Variants in RNGTT observed in about 807,000 individuals in gnomAD.
RNGTT encodes the protein mRNA-capping enzyme.
In RNGTT, 33 loss-of-function variants were observed where a neutral mutation model predicts 79.3. That is an observed-to-expected ratio of 0.42 (90% CI 0.32 to 0.56). The LOEUF is 0.56. Ranked by LOEUF, RNGTT falls within the 20% of genes least tolerant of loss-of-function variation. The pLI is 0.17. For synonymous variants in RNGTT, 222 were observed against 235.9 expected (o/e 0.94, Z 0.54); for missense variants, 497 against 739.1 (o/e 0.67, Z 3.80).
At chr6:88,637,864 C>G (rs1043983802) in intron 14 of RNGTT, among the ~76,000 whole-genome samples, 20 of 152,098 alleles carry the variant, frequency 1.3e-4, no homozygotes, top group African/African-American at 3.6e-4. Context: ...TTTATCCACA[C>G]AACTCCATAC....
At chr6:88,867,744 T>C (rs1782221797) in intron 8 of RNGTT, among the ~76,000 whole-genome samples, 1 of 152,176 alleles carries the variant, frequency 6.6e-6, no homozygotes, top group African/African-American at 2.4e-5. Context: ...TTAATTCTAA[T>C]CAGTCTTCTA....
Position 88,963,436 on chromosome 6 carries a change from C to G in RNGTT, c.-27G>C, listed in dbSNP as rs942015052. 7 of 1,536,924 alleles carry G rather than the reference C, an allele frequency of 4.6e-6. No homozygotes were observed. Among genetic ancestry groups the G allele is most frequent in the Non-Finnish European group, 6.2e-6 (7 of 1,137,710 alleles). On this transcript the variant is annotated 5_prime_UTR_variant, in exon 1 of 16. Transcript: ENST00000369485. ...TCTTGGGGCTGCGCAGAGCTGCCCT[C>G]CCTCACCAACGTTCACCGCGCCTTT...
chr6:88,633,470 T>C (rs967193791), intron 14 of RNGTT, among the ~76,000 whole-genome samples: 9 of 152,156 alleles, frequency 5.9e-5, no homozygotes, highest in African/African-American at 2.2e-4. Context: ...CCCTTTCTGA[T>C]TCCACAGGTT....
At chr6:88,639,853 C>G (rs1773242392) in intron 14 of RNGTT, among the ~76,000 whole-genome samples, 1 of 152,110 alleles carries the variant, frequency 6.6e-6, no homozygotes, top group African/African-American at 2.4e-5. Flanking sequence ...TTTGTTTTCT[C>G]TTTTTATCTC....
intron 13 of RNGTT, among the ~76,000 whole-genome samples, chr6:88,763,934 A>T (rs565994704): frequency 1.2e-4 from 19 of 152,338 alleles, no homozygotes; most frequent in African/African-American, 4.6e-4. Flanking sequence ...TTGAAATCAG[A>T]ACAAAAGATG....
Position 88,611,604 on chromosome 6 carries a change from T to A in RNGTT, c.*1115A>T, listed in dbSNP as rs938512922. The A allele has an allele frequency of 6.6e-6, 1 of 152,388 alleles. No homozygotes were observed. Among genetic ancestry groups the A allele is most frequent in the Non-Finnish European group, 1.5e-5 (1 of 68,044 alleles). 9.4% of individuals were successfully genotyped at this position (152,388 alleles called of 1,614,324 possible). On this transcript the variant is annotated 3_prime_UTR_variant, in exon 16 of 16. Coordinates refer to ENST00000369485, the MANE Select transcript of RNGTT (RefSeq NM_003800.5). ...TATAACAGAAATAACATCCGCAGAATAGAATGTAGATAGAATTCTCGCTTT... is the reference window on the plus strand; with the variant it reads ...TATAACAGAAATAACATCCGCAGAAAAGAATGTAGATAGAATTCTCGCTTT...
chr6:88,887,344 T>C (rs1782899470), intron 8 of RNGTT, among the ~76,000 whole-genome samples: 1 of 152,212 alleles, frequency 6.6e-6, no homozygotes, highest in Non-Finnish European at 1.5e-5. Flanking sequence ...TCTTATTTCA[T>C]AGCCTCTAAG....
chr6:88,681,167 T>C (rs1249574390), intron 13 of RNGTT, among the ~76,000 whole-genome samples: 6 of 152,148 alleles, frequency 3.9e-5, no homozygotes, highest in Non-Finnish European at 7.4e-5. Flanking sequence ...TTCATACAAA[T>C]AGATGCTAGA....
chr6:88,794,766 T>C (rs972156797), intron 12 of RNGTT, among the ~76,000 whole-genome samples: 1 of 152,254 alleles, frequency 6.6e-6, no homozygotes, highest in African/African-American at 2.4e-5. Context: ...CAATCAGTTT[T>C]AGTTCTGAAG....
At position 88,856,140 on chromosome 6, in the gene RNGTT, A is replaced by C. The variant is rs1386214029; in HGVS notation, c.897-2376T>G. Among the ~76,000 whole-genome samples the C allele has an allele frequency of 3.9e-5, 6 of 152,216 alleles. No individual in the cohort carries two copies. The East Asian group carries it at 9.6e-4, about 24-fold the overall frequency. ...AAGTTATGATAAAATATATAAATAAATCTGTTCATCTTATTTAGTCCATTG... is the reference window on the plus strand; with the variant it reads ...AAGTTATGATAAAATATATAAATAACTCTGTTCATCTTATTTAGTCCATTG... On this transcript the variant is annotated intron_variant, in intron 8 of 15. Transcript: ENST00000369485.
rs768557539 is a variant in RNGTT, at chr6:88,611,531, C to T, written c.*1188G>A. The T allele has an allele frequency of 2.5e-5, 3 of 118,766 alleles. No individual in the cohort carries two copies. The highest frequency in any genetic ancestry group is 2.4e-4 in the East Asian group (1 of 4,182). 7.4% of individuals were successfully genotyped at this position (118,766 alleles called of 1,614,324 possible). On this transcript the variant is annotated 3_prime_UTR_variant, in exon 16 of 16. Transcript: ENST00000369485. ...CAACAATGGCAGACAATCAATTAGC[C>T]GCCCTTTAAATCCATTATCTATCAG...
At position 88,890,297 on chromosome 6, in the gene RNGTT, A is replaced by C. The variant is rs111444474; in HGVS notation, c.896+198T>G. Among the ~76,000 whole-genome samples the C allele has an allele frequency of 2.0e-5, 3 of 152,232 alleles. No homozygotes were observed. The East Asian group carries it at 5.8e-4, about 29-fold the overall frequency. On this transcript the variant is annotated intron_variant, in intron 8 of 15. Transcript: ENST00000369485. ...AACTAGCTAAGCTCTGAAACCAAAA[A>C]TTTAGCAGAATGAGAGATAACTTGT...
chr6:88,743,199 G>A (rs1241828458), intron 13 of RNGTT, among the ~76,000 whole-genome samples: 1 of 152,168 alleles, frequency 6.6e-6, no homozygotes, highest in Non-Finnish European at 1.5e-5. Context: ...AAGTTTTGGA[G>A]TATAACAAGG....
chr6:88,803,928 GTATT>G (rs1779875563), intron 11 of RNGTT, among the ~76,000 whole-genome samples: 2 of 152,226 alleles, frequency 1.3e-5, no homozygotes, highest in Admixed American at 1.3e-4. Flanking sequence ...ATAAATCAGA[GTATT>G]TAAAGGACTG....
intron 12 of RNGTT, among the ~76,000 whole-genome samples, chr6:88,774,866 T>C (rs1778818859): frequency 6.6e-6 from 1 of 152,144 alleles, no homozygotes; most frequent in Non-Finnish European, 1.5e-5. Context: ...CTGTTTGGGA[T>C]GATGAAAAGG....
intron 11 of RNGTT, among the ~76,000 whole-genome samples, chr6:88,803,576 CAAAAAAAAAAA>C (rs146140117): frequency 7.1e-5 from 4 of 56,142 alleles, no homozygotes; most frequent in African/African-American, 2.9e-4. Flanking sequence ...GACTCCATCT[CAAAAAAAAAAA>C]AAAAAAAAAA....
intron 5 of RNGTT, among the ~76,000 whole-genome samples, chr6:88,905,402 A>G (rs1783620217): frequency 6.6e-6 from 1 of 152,248 alleles, no homozygotes. Context: ...TAGGAAACTG[A>G]GATCATTGTG....
chr6:88,790,317 A>C (rs902400135), intron 12 of RNGTT, among the ~76,000 whole-genome samples: 17 of 152,188 alleles, frequency 1.1e-4, no homozygotes, highest in Non-Finnish European at 2.2e-4. Flanking sequence ...GAGACCAGGG[A>C]AAGTCTATAG....
intron 13 of RNGTT, among the ~76,000 whole-genome samples, chr6:88,759,798 TC>T (rs1220400435): frequency 2.6e-5 from 4 of 152,150 alleles, no homozygotes; most frequent in African/African-American, 9.7e-5. Flanking sequence ...TTGCAGTTCT[TC>T]CCATCTCATC....
Sources: gnomAD v4.1 joint callset for allele counts (sites outside exome capture counted in the v4.1 genomes callset) on GRCh38, gnomAD v4.1.1 for gene constraint, MANE v1.5 for transcripts, NCBI Gene and HGNC (gene_info 2026-07-23, HGNC 2026-07-21) for gene names.